PFKFB2: variants seen among roughly 807,000 people sequenced by gnomAD.
PFKFB2 encodes 6-phosphofructo-2-kinase/fructose-2,6-bisphosphatase 2.
PFKFB2 carries 53 observed loss-of-function variants against 68.0 expected under a neutral mutation model. The observed-to-expected ratio is 0.78, with a 90% CI of 0.63 to 0.98. The LOEUF (loss-of-function observed/expected upper bound fraction) is 0.98, where lower values mean the gene tolerates loss of function less well. Ranked by LOEUF, PFKFB2 falls within the 50% of genes least tolerant of loss-of-function variation. PFKFB2 has a pLI of 0.00. For missense variants in PFKFB2, 451 were observed against 642.0 expected (o/e 0.70, Z 3.22); for synonymous variants, 222 against 227.6 (o/e 0.98, Z 0.22).
Position 207,053,285 on chromosome 1 carries a change from A to C in PFKFB2, c.-99A>C, listed in dbSNP as rs1021837677. ...GGCGACTGTAGCGCCGGTCCCGGCCACAAGCTGTCGGCTCGGTTCGGTCGC... is the reference window on the plus strand; with the variant it reads ...GGCGACTGTAGCGCCGGTCCCGGCCCCAAGCTGTCGGCTCGGTTCGGTCGC... On this transcript the variant is annotated 5_prime_UTR_variant, in exon 1 of 15. Transcript: ENST00000367080. The C allele has an allele frequency of 6.5e-6, 1 of 152,784 alleles. No homozygotes were observed. The highest frequency in any genetic ancestry group is 1.5e-5 in the Non-Finnish European group (1 of 68,490). 9.5% of individuals were successfully genotyped at this position (152,784 alleles called of 1,614,324 possible).
chr1:207,066,155 A>G (rs1483210990), intron 8 of PFKFB2, among the ~76,000 whole-genome samples: 1 of 152,190 alleles, frequency 6.6e-6, no homozygotes, highest in Non-Finnish European at 1.5e-5. Context: ...TGTTGTTACT[A>G]TGGAAGCATT....
In PFKFB2 at chr1:207,070,706, C is replaced by T; in HGVS notation, c.1222+297C>T. On this transcript the variant is annotated intron_variant, in intron 12 of 14. Coordinates refer to ENST00000367080, the MANE Select transcript of PFKFB2 (RefSeq NM_006212.2). The surrounding 1 kb of genome is among the most constrained non-coding windows in gnomAD (Gnocchi z 4.2). ...GCATCAGGACAGTGGTTGAATATTC[C>T]CAGCCTGCCACGCTGCCTACTAGGA... 3.0e-6 allele frequency: 1 copy of T among 334,340 alleles called. No individual in the cohort carries two copies. The highest frequency in any genetic ancestry group is 3.1e-5 in the South Asian group (1 of 31,928). 20.7% of individuals were successfully genotyped at this position (334,340 alleles called of 1,614,324 possible).
intron 3 of PFKFB2, 104 bp from the exon 4 acceptor site, chr1:207,062,516 T>G: frequency 6.5e-7 from 1 of 1,528,200 alleles, no homozygotes; most frequent in Non-Finnish European, 8.8e-7. Context: ...TGCTGCCGCT[T>G]TTTTCATCCC....
intron 2 of PFKFB2, chr1:207,060,795 T>TTTTC (rs1430091014): frequency 6.6e-6 from 1 of 151,680 alleles, no homozygotes. Context: ...TCATTGTTAC[T>TTTTC]TTTCTTTCTT....
Position 207,072,769 on chromosome 1 carries a change from G to C in PFKFB2, c.*398G>C. 6 of 1,006,716 alleles carry C rather than the reference G, an allele frequency of 6.0e-6. No homozygotes were observed. Among genetic ancestry groups the C allele is most frequent in the Non-Finnish European group, 7.1e-6 (6 of 844,242 alleles). The allele number at this position is 1,006,716 out of a possible 1,614,324, so 62.4% of individuals were successfully genotyped here. On this transcript the variant is annotated 3_prime_UTR_variant, in exon 15 of 15. Transcript: ENST00000367080. ...GTGTTGGGGGATGGAGGGCGGGTGA[G>C]CAGTCGGGGGACAAAAAGTCTATTT...
rs1683359544 is a variant in PFKFB2 at position 207,068,200 on chromosome 1, A to C, written c.878A>C (p.Glu293Ala). 1 of 1,612,158 alleles carries C rather than the reference A, an allele frequency of 6.2e-7. No individual in the cohort carries two copies. Among genetic ancestry groups the C allele is most frequent in the Non-Finnish European group, 8.5e-7 (1 of 1,179,498 alleles). The change falls in exon 10 of 15, where the codon GAA becomes GCA. Residue 293 changes from glutamate to alanine, a missense_variant. Transcript: ENST00000367080. ...CTAAGGAAATTTCTGGAGGAACAGG[A>C]AATAACAGACCTCAAAGTGTGGACA... The part of the protein sequence containing the change: ...QALRKFLEEQ[E>A]ITDLKVWTSQ...
Position 207,070,529 on chromosome 1 carries a change from A to C in PFKFB2, c.1222+120A>C. Reference sequence around the variant, plus strand: ...CCACTCAAATTAGAGTACTTTCTCCAGACAGCAGTGTGGGGCTCCCAGCAG... The same window carrying C: ...CCACTCAAATTAGAGTACTTTCTCCCGACAGCAGTGTGGGGCTCCCAGCAG... On this transcript the variant is annotated intron_variant, in intron 12 of 14. Transcript: ENST00000367080. This position sits in a 1 kb window ranked among gnomAD's most constrained non-coding sequence, Gnocchi z 4.2. 1 of 1,116,368 alleles carries C rather than the reference A, an allele frequency of 9.0e-7. No individual in the cohort carries two copies. The highest frequency in any genetic ancestry group is 1.3e-6 in the Non-Finnish European group (1 of 791,666). The allele number at this position is 1,116,368 out of a possible 1,614,324, so 69.2% of individuals were successfully genotyped here.
upstream of PFKFB2, chr1:207,049,333 C>G: frequency 6.2e-7 from 1 of 1,614,162 alleles, no homozygotes; most frequent in Non-Finnish European, 8.5e-7. Flanking sequence ...ACGATCAATT[C>G]TTACTGTCTG....
Position 207,061,185 on chromosome 1 carries a change from A to T in PFKFB2, c.86-768A>T, listed in dbSNP as rs57202133. Among the ~76,000 whole-genome samples, 712 of 80,114 alleles carry T rather than the reference A, an allele frequency of 8.9e-3. 36 individuals carry two copies. Among genetic ancestry groups the T allele is most frequent in the African/African-American group, 0.032 (675 of 20,824 alleles). 52.6% of individuals were successfully genotyped at this position (80,114 alleles called of 152,430 possible). ...TATCTTTATATATATATATATATAT[A>T]TATATATATATATATATTTTAAGAG... is the stretch of plus-strand genomic sequence containing the variant. On this transcript the variant is annotated intron_variant, in intron 2 of 14. Transcript: ENST00000367080.
chr1:207,050,590 C>T (rs1230144431), upstream of PFKFB2: 1 of 1,530,216 alleles, frequency 6.5e-7, no homozygotes, highest in African/African-American at 1.4e-5. Flanking sequence ...GCCCCCCCGC[C>T]GACTCACAGC....
Position 207,062,010 on chromosome 1 carries a change from C to T in PFKFB2, c.143C>T (p.Ala48Val), listed in dbSNP as rs778496226. Reference sequence around the variant, plus strand: ...CTGATCGTTATGATTGGTTTGCCAGCCCGGGGTAAAACCTACGTGTCCAAG... The same window carrying T: ...CTGATCGTTATGATTGGTTTGCCAGTCCGGGGTAAAACCTACGTGTCCAAG... ...PTLIVMIGLPARGKTYVSKKL... is the reference protein window; with the variant it reads ...PTLIVMIGLPVRGKTYVSKKL... Residue 48 changes from alanine to valine, a missense_variant, in exon 3 of 15, where the codon GCC becomes GTC. Physicochemically the swap from Ala to Val is moderately conservative, Grantham distance 64. Coordinates refer to ENST00000367080, the MANE Select transcript of PFKFB2 (RefSeq NM_006212.2). The T allele has an allele frequency of 6.2e-7, 1 of 1,614,214 alleles. No homozygotes were observed.
rs538666833 is a variant in PFKFB2 at position 207,035,657 on chromosome 1, A to G, written c.-62+1185A>G. 2.7e-5 allele frequency among the ~76,000 whole-genome samples: 4 copies of G among 148,294 alleles called. No individual in the cohort carries two copies. In the East Asian group the frequency reaches 7.7e-4, roughly 29 times the overall value. ...GACAGAGCAAGACCCTGTCTTAAAA[A>G]CAAACAAACAAACAAACAAAAAAAA... is the stretch of plus-strand genomic sequence containing the variant. On this transcript the variant is annotated intron_variant, in intron 1 of 5. Coordinates refer to the PFKFB2 transcript ENST00000545806.
At chr1:207,054,096 G>A (rs955558751) in intron 1 of PFKFB2, among the ~76,000 whole-genome samples, 3 of 151,770 alleles carry the variant, frequency 2.0e-5, no homozygotes, top group Non-Finnish European at 2.9e-5. Context: ...TAGAGACGAG[G>A]TTTCACCATG....
At chr1:207,079,368 G>T, downstream of PFKFB2, 1 of 309,554 alleles carries the variant, frequency 3.2e-6, no homozygotes, top group Admixed American at 4.7e-5. Flanking sequence ...GCTCTTTTTT[G>T]CCCAAAGTGC....
At chr1:207,049,306 C>A (rs767775929), upstream of PFKFB2, 1 of 1,614,060 alleles carries the variant, frequency 6.2e-7, no homozygotes, top group South Asian at 1.1e-5. Flanking sequence ...TTTGGTATAT[C>A]CTGCATCTTC....
chr1:207,037,243 T>A (rs1422469455), intron 1 of PFKFB2, among the ~76,000 whole-genome samples: 2 of 152,208 alleles, frequency 1.3e-5, no homozygotes, highest in East Asian at 1.9e-4. Context: ...TCAGTTTTTT[T>A]AAAAAACTAT....
downstream of PFKFB2, chr1:207,078,987 C>T (rs768723677): frequency 1.4e-5 from 23 of 1,612,116 alleles, no homozygotes; most frequent in East Asian, 2.2e-5. Flanking sequence ...GCGCAGACGC[C>T]CCTCCGCAGC....
Position 207,037,114 on chromosome 1 carries a change from A to G in PFKFB2, c.-62+2642A>G, listed in dbSNP as rs144097232. Among the ~76,000 whole-genome samples, 11 of 151,968 alleles carry G rather than the reference A, an allele frequency of 7.2e-5. No homozygotes were observed. In the East Asian group the frequency reaches 2.1e-3, roughly 29 times the overall value. On this transcript the variant is annotated intron_variant, in intron 1 of 5. Transcript: ENST00000545806. Reference sequence around the variant, plus strand: ...TTTCTATCTGGCTACTTTCTCCTTGACTCCCCTAAAACAGCTCATGCTAAG... The same window carrying G: ...TTTCTATCTGGCTACTTTCTCCTTGGCTCCCCTAAAACAGCTCATGCTAAG...
chr1:207,050,664 C>G (rs766471685), upstream of PFKFB2: 1 of 1,610,838 alleles, frequency 6.2e-7, no homozygotes, highest in Non-Finnish European at 8.5e-7. Flanking sequence ...GGGACTTTCC[C>G]TGGCCCCAGC....
Sources: allele counts gnomAD v4.1 joint callset (sites outside exome capture counted in the v4.1 genomes callset), GRCh38; gene constraint gnomAD v4.1.1; non-coding constraint Gnocchi (gnomAD v3.1); transcripts MANE v1.5; gene names NCBI Gene and HGNC (gene_info 2026-07-23, HGNC 2026-07-21).